The following ERG variants were observed in gnomAD, a reference collection of about 807,000 sequenced individuals.
The protein encoded by ERG is ETS transcription factor ERG.
Under a neutral mutation model 55.3 loss-of-function variants are expected in ERG, and 9 were observed. The ratio of observed to expected loss-of-function variants is 0.16; its 90% CI spans 0.10 to 0.28. The LOEUF is 0.28. ERG is among the 10% of genes least tolerant of loss of function. The pLI is 1.00. For synonymous variants in ERG, 223 were observed against 237.3 expected, an observed-to-expected ratio of 0.94 and a Z score of 0.55; for missense variants, 434 against 631.6, an observed-to-expected ratio of 0.69 and a Z score of 3.35.
intron 2 of ERG, among the ~76,000 whole-genome samples, chr21:38,437,221 G>A (rs1045698357): frequency 1.3e-5 from 2 of 151,908 alleles, no homozygotes; most frequent in Admixed American, 6.6e-5. Context: ...CATCTCCATC[G>A]AAGCTAACAC....
the ERG span, among the ~76,000 whole-genome samples, chr21:38,370,725 G>A: frequency 6.6e-6 from 1 of 151,898 alleles, no homozygotes; most frequent in Non-Finnish European, 1.5e-5. Context: ...ATTATATCAA[G>A]TATGCATATC....
At chr21:38,579,111 G>C (rs2060012613) in intron 1 of ERG, among the ~76,000 whole-genome samples, 1 of 152,056 alleles carries the variant, frequency 6.6e-6, no homozygotes, top group Non-Finnish European at 1.5e-5. Context: ...CCCTTCCCAG[G>C]AGCAACTGAA....
intron 1 of ERG, among the ~76,000 whole-genome samples, chr21:38,457,499 A>G (rs148355341): frequency 1.3e-5 from 2 of 152,004 alleles, no homozygotes; most frequent in African/African-American, 4.8e-5. Flanking sequence ...TATCCAAACC[A>G]TCAAGGCCTG....
chr21:38,591,257 T>C (rs1241376465), intron 1 of ERG, among the ~76,000 whole-genome samples: 1 of 152,214 alleles, frequency 6.6e-6, no homozygotes, highest in Non-Finnish European at 1.5e-5. Context: ...GTCCTGGATT[T>C]GGCAACTTAA....
chr21:38,465,689 G>A (rs1052350913), intron 1 of ERG, among the ~76,000 whole-genome samples: 9 of 152,106 alleles, frequency 5.9e-5, no homozygotes, highest in South Asian at 2.1e-4. Flanking sequence ...TCTTCCTCTC[G>A]GGTTTGCTGC....
At chr21:38,454,905 G>A (rs543676598) in intron 1 of ERG, among the ~76,000 whole-genome samples, 63 of 152,082 alleles carry the variant, frequency 4.1e-4, no homozygotes, top group Non-Finnish European at 6.2e-4. Context: ...TAGCCTTTTT[G>A]GTCCCTGGTC....
At chr21:38,609,250 CACA>C (rs2060212386) in intron 1 of ERG, among the ~76,000 whole-genome samples, 1 of 152,094 alleles carries the variant, frequency 6.6e-6, no homozygotes, top group African/African-American at 2.4e-5. Flanking sequence ...GATCTGAAAA[CACA>C]ACAATCCAGC....
At chr21:38,538,186 G>A (rs2059725516) in intron 2 of ERG, among the ~76,000 whole-genome samples, 1 of 152,150 alleles carries the variant, frequency 6.6e-6, no homozygotes, top group Non-Finnish European at 1.5e-5. Flanking sequence ...AGAATGGAAA[G>A]CTATTGTTTA....
At chr21:38,592,198 C>A (rs2060104580) in intron 1 of ERG, among the ~76,000 whole-genome samples, 1 of 152,214 alleles carries the variant, frequency 6.6e-6, no homozygotes, top group South Asian at 2.1e-4. Context: ...TCATGGGCAA[C>A]TGCAAGGAAC....
At chr21:38,525,643 T>C (rs1406084266) in intron 2 of ERG, among the ~76,000 whole-genome samples, 2 of 152,242 alleles carry the variant, frequency 1.3e-5, no homozygotes, top group African/African-American at 4.8e-5. Context: ...ACCTCCTAAA[T>C]GCTGTTACGT....
At chr21:38,632,925 C>T (rs1383537712) in intron 1 of ERG, among the ~76,000 whole-genome samples, 2 of 152,200 alleles carry the variant, frequency 1.3e-5, no homozygotes, top group Non-Finnish European at 2.9e-5. Context: ...TAGATATTTG[C>T]ATACCCACAT....
At chr21:38,634,687 C>T (rs1299268560) in intron 1 of ERG, among the ~76,000 whole-genome samples, 1 of 152,220 alleles carries the variant, frequency 6.6e-6, no homozygotes, top group Non-Finnish European at 1.5e-5. Context: ...GTTTTTAACA[C>T]AGACCTATAA....
chr21:38,455,118 C>CT (rs34764983), intron 1 of ERG, among the ~76,000 whole-genome samples: 36 of 104,840 alleles, frequency 3.4e-4, no homozygotes, highest in Non-Finnish European at 4.4e-4. Context: ...TTCTTTCTTT[C>CT]TTTTTTTTTT....
rs1202618180 is a variant in ERG at position 38,424,538 on chromosome 21, T to G, written c.237-977A>C. On this transcript the variant is annotated intron_variant, in intron 2 of 9. Transcript: ENST00000288319. Reference sequence around the variant, plus strand: ...CAAAACTCCATCTGTGACAACTGATTGGGGACACTTGCAGGGAACAGTGAA... The same window carrying G: ...CAAAACTCCATCTGTGACAACTGATGGGGGACACTTGCAGGGAACAGTGAA... Among the ~76,000 whole-genome samples, 6 of 152,138 alleles carry G rather than the reference T, an allele frequency of 3.9e-5. No individual in the cohort carries two copies. In the South Asian group the frequency reaches 6.2e-4, roughly 16 times the overall value.
intron 1 of ERG, among the ~76,000 whole-genome samples, chr21:38,619,359 C>T (rs1264318074): frequency 1.3e-5 from 2 of 151,984 alleles, no homozygotes; most frequent in Non-Finnish European, 2.9e-5. Context: ...TCCTCTTGCT[C>T]CCTCCCCTCA....
intron 1 of ERG, among the ~76,000 whole-genome samples, chr21:38,618,358 T>C (rs2060271003): frequency 6.6e-6 from 1 of 152,190 alleles, no homozygotes; most frequent in Non-Finnish European, 1.5e-5. Flanking sequence ...AAACAATGCA[T>C]GCCCCTAAAA....
At chr21:38,582,769 C>G (rs150792593) in intron 1 of ERG, among the ~76,000 whole-genome samples, 1 of 151,108 alleles carries the variant, frequency 6.6e-6, no homozygotes, top group Admixed American at 6.6e-5. Flanking sequence ...TTTTTTGAGA[C>G]GGAGTCTTGC....
intron 3 of ERG, among the ~76,000 whole-genome samples, chr21:38,414,863 C>A (rs1264990189): frequency 6.6e-6 from 1 of 152,056 alleles, no homozygotes; most frequent in South Asian, 2.1e-4. Flanking sequence ...GCTGCTCATG[C>A]TAAATCTAAG....
intron 6 of ERG, among the ~76,000 whole-genome samples, chr21:38,394,273 C>T (rs1166804134): frequency 6.6e-6 from 1 of 152,088 alleles, no homozygotes; most frequent in East Asian, 1.9e-4. Flanking sequence ...GGACCAGCAA[C>T]ATCAACAATA....
Sources: allele counts gnomAD v4.1 joint callset (sites outside exome capture counted in the v4.1 genomes callset), GRCh38; gene constraint gnomAD v4.1.1; transcripts MANE v1.5; gene names NCBI Gene and HGNC (gene_info 2026-07-23, HGNC 2026-07-21).